PLEKHA6: variants seen among roughly 807,000 people sequenced by gnomAD.
PLEKHA6 encodes the protein pleckstrin homology domain containing A6, also known as pleckstrin homology domain-containing family A member 6.
PLEKHA6 carries 60 observed loss-of-function variants against 116.7 expected under a neutral mutation model. The ratio of observed to expected loss-of-function variants is 0.51; its 90% CI spans 0.42 to 0.64. The LOEUF (loss-of-function observed/expected upper bound fraction) is 0.64. Among genes scored for constraint, PLEKHA6 ranks in the 30% least tolerant of loss-of-function variants. PLEKHA6 has a pLI of 0.00. For missense variants in PLEKHA6, 1,338 were observed against 1,422.7 expected, an observed-to-expected ratio of 0.94 and a Z score of 0.96; for synonymous variants, 489 against 556.1, an observed-to-expected ratio of 0.88 and a Z score of 1.70.
upstream of PLEKHA6, among the ~76,000 whole-genome samples, chr1:204,364,770 A>G (rs1572234125): frequency 6.6e-6 from 1 of 152,202 alleles, no homozygotes; most frequent in Non-Finnish European, 1.5e-5. Flanking sequence ...GAGCAGCCAC[A>G]GCAGCATAAC....
rs374543209 is a variant in PLEKHA6 at position 204,257,732 on chromosome 1, C to A, written c.1145G>T (p.Arg382Leu). 6.2e-7 allele frequency: 1 copy of A among 1,613,272 alleles called. No individual in the cohort carries two copies. The highest frequency in any genetic ancestry group is 8.5e-7 in the Non-Finnish European group (1 of 1,179,698). ...CTCCAGGGCCCAGGGCGGGCTGATCCGATCATAGGCCGGCATGGAACAGAT... is the reference window on the plus strand; with the variant it reads ...CTCCAGGGCCCAGGGCGGGCTGATCAGATCATAGGCCGGCATGGAACAGAT... ...ESICSMPAYD[R>L]ISPPWALEDK... The change falls in exon 9 of 23, where the codon CGG becomes CTG. Residue 382 changes from arginine to leucine, a missense_variant. Arg to Leu is a moderately radical substitution (Grantham distance 102). Around this residue, in one of 3 missense-constraint regions of PLEKHA6, gnomAD observed 1,136 missense variants for 1,163.6 expected, o/e 0.98. Transcript: ENST00000272203. This position sits in a 1 kb window ranked among gnomAD's most constrained non-coding sequence, Gnocchi z 6.5.
upstream of PLEKHA6, among the ~76,000 whole-genome samples, chr1:204,360,455 G>A (rs530858538): frequency 6.7e-6 from 1 of 150,278 alleles, no homozygotes; most frequent in East Asian, 2.1e-4. Flanking sequence ...GAGATGCCAG[G>A]ATGAGTGGGG....
At chr1:204,318,426 A>T (rs1397171490) in intron 1 of PLEKHA6, among the ~76,000 whole-genome samples, 3 of 151,994 alleles carry the variant, frequency 2.0e-5, no homozygotes, top group African/African-American at 7.3e-5. Context: ...CTGGATTTGA[A>T]CTCTGCTTCC....
intron 2 of PLEKHA6, among the ~76,000 whole-genome samples, chr1:204,368,087 C>T (rs148247515): frequency 1.9e-4 from 29 of 152,308 alleles, no homozygotes; most frequent in Non-Finnish European, 3.5e-4. Context: ...GGATGTCCTC[C>T]GTCAATGAGC....
chr1:204,233,835 G>A (rs902697607), intron 17 of PLEKHA6, among the ~76,000 whole-genome samples: 3 of 152,116 alleles, frequency 2.0e-5, no homozygotes, highest in Non-Finnish European at 2.9e-5. Context: ...AGATGGAGAT[G>A]ATTTAGATGA....
rs1571708254 is a variant in PLEKHA6, at chr1:204,223,253, G to A, written c.*8+209C>T. Among the ~76,000 whole-genome samples the A allele has an allele frequency of 6.6e-6, 1 of 152,154 alleles. No individual in the cohort carries two copies. Among genetic ancestry groups the A allele is most frequent in the Admixed American group, 6.5e-5 (1 of 15,280 alleles). On this transcript the variant is annotated intron_variant, in intron 22 of 22. Coordinates refer to ENST00000272203, the MANE Select transcript of PLEKHA6 (RefSeq NM_014935.5). The surrounding 1 kb of genome is among the most constrained non-coding windows in gnomAD (Gnocchi z 4.8). ...TTGGCATCACAACATCCAAGAAGCGGCCCTGCCAGCTGGCTCCAGCCCAGC... is the reference window on the plus strand; with the variant it reads ...TTGGCATCACAACATCCAAGAAGCGACCCTGCCAGCTGGCTCCAGCCCAGC...
At position 204,247,449 on chromosome 1, in the gene PLEKHA6, G is replaced by A. The variant is rs747701513; in HGVS notation, c.1836C>T (p.Asn612=). The A allele has an allele frequency of 1.2e-6, 2 of 1,610,760 alleles. No homozygotes were observed. The highest frequency in any genetic ancestry group is 1.7e-6 in the Non-Finnish European group (2 of 1,177,272). The part of the protein sequence containing the change: ...ELSQATTALT[N]STIEYEHLES... ...CGAGGTGCTCATACTCTATGGTGCTGTTTGTCAGGGCCTACGGGGGAAAGA... is the reference window on the plus strand; with the variant it reads ...CGAGGTGCTCATACTCTATGGTGCTATTTGTCAGGGCCTACGGGGGAAAGA... Residue 612 remains asparagine, a synonymous_variant, in exon 13 of 23, where the codon AAC becomes AAT. Coordinates refer to ENST00000272203, the MANE Select transcript of PLEKHA6 (RefSeq NM_014935.5).
At position 204,257,563 on chromosome 1, in the gene PLEKHA6, A is replaced by C; in HGVS notation, c.1314T>G (p.Asp438Glu). 5 of 1,603,386 alleles carry C rather than the reference A, an allele frequency of 3.1e-6. No homozygotes were observed. Among genetic ancestry groups the C allele is most frequent in the Non-Finnish European group, 3.4e-6 (4 of 1,174,502 alleles). Residue 438 changes from aspartate to glutamate, a missense_variant, in exon 9 of 23, where the codon GAT becomes GAG. This residue lies in a region of PLEKHA6 where 1,136 missense variants were observed against 1,163.6 expected (regional missense o/e 0.98). Coordinates refer to ENST00000272203, the MANE Select transcript of PLEKHA6 (RefSeq NM_014935.5). The surrounding 1 kb of genome is among the most constrained non-coding windows in gnomAD (Gnocchi z 6.5). ...GGCGGCGCAGGGAGCTAGAGGCGGC[A>C]TCCAGCTCATCATAATAGACTGGCT... ...SRQPVYYDELDAASSSLRRLS... is the reference protein window; with the variant it reads ...SRQPVYYDELEAASSSLRRLS...
chr1:204,358,951 T>C (rs1432708152), intron 1 of PLEKHA6, among the ~76,000 whole-genome samples: 1 of 149,212 alleles, frequency 6.7e-6, no homozygotes, highest in African/African-American at 2.5e-5. Flanking sequence ...CCTTCCACTG[T>C]AGCCCTCCTT....
intron 1 of PLEKHA6, among the ~76,000 whole-genome samples, chr1:204,338,573 T>G (rs1369741956): frequency 6.6e-6 from 1 of 152,186 alleles, no homozygotes; most frequent in Admixed American, 6.5e-5. Context: ...AAGAAGAACA[T>G]GACAGAGTCT....
intron 17 of PLEKHA6, among the ~76,000 whole-genome samples, chr1:204,232,556 G>A (rs976026943): frequency 1.3e-5 from 2 of 152,216 alleles, no homozygotes; most frequent in Non-Finnish European, 2.9e-5. Context: ...TTTTGAGACT[G>A]TTATACATAC....
chr1:204,353,763 G>T (rs1417057615), intron 1 of PLEKHA6, among the ~76,000 whole-genome samples: 1 of 152,162 alleles, frequency 6.6e-6, no homozygotes, highest in Non-Finnish European at 1.5e-5. Context: ...GTTAGGAGGA[G>T]GAAACCTGGG....
chr1:204,297,901 C>A, intron 1 of PLEKHA6: 1 of 985,144 alleles, frequency 1.0e-6, no homozygotes, highest in Non-Finnish European at 1.2e-6. Flanking sequence ...AGAGGGAAGA[C>A]GGCATCTTGA....
At chr1:204,330,200 T>C (rs931039854) in intron 1 of PLEKHA6, among the ~76,000 whole-genome samples, 3 of 152,228 alleles carry the variant, frequency 2.0e-5, no homozygotes, top group Admixed American at 2.0e-4. Context: ...GGTTTTACCA[T>C]GTTGGGCAGG....
intron 1 of PLEKHA6, among the ~76,000 whole-genome samples, chr1:204,296,033 G>A (rs1185827356): frequency 6.6e-6 from 1 of 152,104 alleles, no homozygotes; most frequent in Non-Finnish European, 1.5e-5. Flanking sequence ...CGTGCAGGCA[G>A]GGGACCAAGG....
chr1:204,332,070 GA>G (rs1672474105), intron 1 of PLEKHA6, among the ~76,000 whole-genome samples: 1 of 152,206 alleles, frequency 6.6e-6, no homozygotes, highest in Non-Finnish European at 1.5e-5. Flanking sequence ...CCTGCCTCCT[GA>G]GGGGCGGAGT....
chr1:204,294,583 T>C (rs1041024888), intron 1 of PLEKHA6, among the ~76,000 whole-genome samples: 4 of 152,210 alleles, frequency 2.6e-5, no homozygotes, highest in Non-Finnish European at 4.4e-5. Context: ...TCATGCATCA[T>C]CCTACCAGCT....
intron 1 of PLEKHA6, among the ~76,000 whole-genome samples, chr1:204,330,040 AT>A (rs1672392250): frequency 6.6e-6 from 1 of 152,198 alleles, no homozygotes; most frequent in Non-Finnish European, 1.5e-5. Context: ...CTAGAAAAAA[AT>A]ATATATATAA....
chr1:204,329,315 T>A (rs1197158937), intron 1 of PLEKHA6, among the ~76,000 whole-genome samples: 3 of 152,188 alleles, frequency 2.0e-5, no homozygotes, highest in Non-Finnish European at 4.4e-5. Context: ...GGGGCCCATG[T>A]CTTACCAGTC....
Sources: allele counts gnomAD v4.1 joint callset (sites outside exome capture counted in the v4.1 genomes callset), GRCh38; gene constraint gnomAD v4.1.1; regional missense constraint gnomAD v4.1.1; non-coding constraint Gnocchi (gnomAD v3.1); transcripts MANE v1.5; gene names NCBI Gene and HGNC (gene_info 2026-07-23, HGNC 2026-07-21).